CDH4: variants seen among roughly 807,000 people sequenced by gnomAD.
The protein encoded by CDH4 is cadherin 4, also known as cadherin-4.
A neutral mutation model predicts 86.0 loss-of-function variants in CDH4; 33 were observed. That is an observed-to-expected ratio of 0.38 (90% CI 0.29 to 0.51). CDH4 has a LOEUF of 0.51. Ranked by LOEUF, CDH4 falls within the 20% of genes least tolerant of loss-of-function variation. The pLI is 0.86. For synonymous variants in CDH4, 555 were observed against 549.4 expected (o/e 1.01, Z -0.14); for missense variants, 1,114 against 1,307.4 (o/e 0.85, Z 2.28).
intron 4 of CDH4, among the ~76,000 whole-genome samples, chr20:61,822,351 G>A (rs970939504): frequency 6.6e-6 from 1 of 152,186 alleles, no homozygotes; most frequent in Non-Finnish European, 1.5e-5. Flanking sequence ...GGAGACAGTC[G>A]TTTTTACAGA....
At position 61,393,059 on chromosome 20, in the gene CDH4, C is replaced by T. The variant is rs372402489; in HGVS notation, c.169+138122C>T. Among the ~76,000 whole-genome samples, 12 of 152,240 alleles carry T rather than the reference C, an allele frequency of 7.9e-5. No homozygotes were observed. The highest frequency in any genetic ancestry group is 2.6e-4 in the African/African-American group (11 of 41,542). On this transcript the variant is annotated intron_variant, in intron 2 of 15. Transcript: ENST00000614565. This position sits in a 1 kb window ranked among gnomAD's most constrained non-coding sequence, Gnocchi z 4.3. ...TGCGGGGCCCCTCGGTGATCAGGGCCGTTTATTTTCCTCCTAATTTCTTAC... is the reference window on the plus strand; with the variant it reads ...TGCGGGGCCCCTCGGTGATCAGGGCTGTTTATTTTCCTCCTAATTTCTTAC...
At chr20:61,688,678 G>A (rs559694011) in intron 2 of CDH4, among the ~76,000 whole-genome samples, 4 of 152,344 alleles carry the variant, frequency 2.6e-5, no homozygotes, top group South Asian at 2.1e-4. Flanking sequence ...TGTGCATGCC[G>A]CCTCTCCCGC....
intron 7 of CDH4, among the ~76,000 whole-genome samples, chr20:61,890,765 C>G (rs1984786435): frequency 1.3e-5 from 2 of 152,126 alleles, no homozygotes; most frequent in Admixed American, 1.3e-4. Context: ...ACTCCAAGTT[C>G]TATTCATCTT....
intron 2 of CDH4, among the ~76,000 whole-genome samples, chr20:61,560,747 A>G (rs1051055254): frequency 6.6e-6 from 1 of 152,210 alleles, no homozygotes. Flanking sequence ...CCACCTCGCC[A>G]TGAAGGCAGT....
intron 2 of CDH4, among the ~76,000 whole-genome samples, chr20:61,447,323 ATTTTTTTTTT>A (rs71331923): frequency 9.0e-6 from 1 of 110,858 alleles, no homozygotes; most frequent in Admixed American, 1.0e-4. Flanking sequence ...CGCCCAGCTG[ATTTTTTTTTT>A]TTTTTTTTTT....
chr20:61,467,387 A>C lies in CDH4; in HGVS notation c.169+212450A>C, dbSNP rs1429159857. ...TGTTCTGTAGAAGCATCTGATTCTC[A>C]GCACTCTGAATTATTTTGGGTACTC... On this transcript the variant is annotated intron_variant, in intron 2 of 15. Transcript: ENST00000614565. Among the ~76,000 whole-genome samples the C allele has an allele frequency of 3.9e-5, 6 of 152,344 alleles. No homozygotes were observed. In the East Asian group the frequency reaches 1.2e-3, roughly 29 times the overall value.
chr20:61,762,532 G>A (rs1316020143), intron 3 of CDH4, among the ~76,000 whole-genome samples: 3 of 152,150 alleles, frequency 2.0e-5, no homozygotes, highest in Non-Finnish European at 4.4e-5. Context: ...TCCCAGCTCG[G>A]GGCTGTTGCA....
At chr20:61,780,839 G>A (rs575200639) in intron 4 of CDH4, among the ~76,000 whole-genome samples, 104 of 152,314 alleles carry the variant, frequency 6.8e-4, no homozygotes, top group African/African-American at 2.1e-3. Flanking sequence ...TTGCCTCAAA[G>A]GGTGAGTGGA....
intron 6 of CDH4, among the ~76,000 whole-genome samples, chr20:61,864,970 G>A (rs1450086010): frequency 1.3e-5 from 2 of 152,238 alleles, no homozygotes; most frequent in Admixed American, 6.5e-5. Context: ...AGCCTCCAGG[G>A]CTCTGTGCCA....
Position 61,393,412 on chromosome 20 carries a change from C to T in CDH4, c.169+138475C>T, listed in dbSNP as rs1035800190. Among the ~76,000 whole-genome samples, 3 of 151,976 alleles carry T rather than the reference C, an allele frequency of 2.0e-5. No homozygotes were observed. The highest frequency in any genetic ancestry group is 4.4e-5 in the Non-Finnish European group (3 of 68,018). On this transcript the variant is annotated intron_variant, in intron 2 of 15. Coordinates refer to ENST00000614565, the MANE Select transcript of CDH4 (RefSeq NM_001794.5). The surrounding 1 kb of genome is among the most constrained non-coding windows in gnomAD (Gnocchi z 4.3). ...CAACAACCACCAGCCCCTCTGATGTCGAGGACCCCCAGGGATTGGCAAAAT... is the reference window on the plus strand; with the variant it reads ...CAACAACCACCAGCCCCTCTGATGTTGAGGACCCCCAGGGATTGGCAAAAT...
At chr20:61,340,672 T>A (rs569044348) in intron 2 of CDH4, among the ~76,000 whole-genome samples, 4 of 151,916 alleles carry the variant, frequency 2.6e-5, no homozygotes, top group Non-Finnish European at 5.9e-5. Context: ...GCAGCCTCCA[T>A]CTTCTGGGCT....
chr20:61,628,537 C>A (rs1025524313), intron 2 of CDH4, among the ~76,000 whole-genome samples: 1 of 152,250 alleles, frequency 6.6e-6, no homozygotes, highest in Non-Finnish European at 1.5e-5. Context: ...AGGCCGAGCT[C>A]CTGCCCTGCC....
intron 2 of CDH4, among the ~76,000 whole-genome samples, chr20:61,410,723 C>A (rs2085114179): frequency 6.6e-6 from 1 of 152,078 alleles, no homozygotes; most frequent in Admixed American, 6.5e-5. Context: ...ATTCATCCAT[C>A]CATCATCTTC....
At chr20:61,660,756 G>T (rs1188984886) in intron 2 of CDH4, among the ~76,000 whole-genome samples, 2 of 152,126 alleles carry the variant, frequency 1.3e-5, no homozygotes, top group Admixed American at 1.3e-4. Context: ...GCTGGCAGTT[G>T]CTTTATACCT....
intron 12 of CDH4, among the ~76,000 whole-genome samples, chr20:61,929,061 A>G (rs1008852935): frequency 2.0e-5 from 3 of 150,926 alleles, no homozygotes; most frequent in Non-Finnish European, 4.4e-5. Flanking sequence ...TTCTTTGGGG[A>G]GTTTCTTTTT....
At chr20:61,588,363 G>A (rs1263408532) in intron 2 of CDH4, among the ~76,000 whole-genome samples, 1 of 152,216 alleles carries the variant, frequency 6.6e-6, no homozygotes, top group Non-Finnish European at 1.5e-5. Flanking sequence ...GCTTCCAGAA[G>A]GTCTGGGCAC....
At chr20:61,904,105 G>A (rs1434212769) in intron 8 of CDH4, among the ~76,000 whole-genome samples, 1 of 152,244 alleles carries the variant, frequency 6.6e-6, no homozygotes, top group Non-Finnish European at 1.5e-5. Context: ...ACAGCAGCCA[G>A]TCCTGAGAGT....
At chr20:61,631,651 G>GA (rs936988502) in intron 2 of CDH4, among the ~76,000 whole-genome samples, 2 of 151,760 alleles carry the variant, frequency 1.3e-5, no homozygotes, top group African/African-American at 4.8e-5. Context: ...CTCTAAAAAA[G>GA]AAAAAAAAGA....
At chr20:61,425,714 T>G (rs1008140497) in intron 2 of CDH4, among the ~76,000 whole-genome samples, 14 of 151,924 alleles carry the variant, frequency 9.2e-5, no homozygotes, top group Non-Finnish European at 1.9e-4. Flanking sequence ...TTGCAGGACA[T>G]TCTCAAAGGC....
Sources: allele counts gnomAD v4.1 joint callset (sites outside exome capture counted in the v4.1 genomes callset), GRCh38; gene constraint gnomAD v4.1.1; non-coding constraint Gnocchi (gnomAD v3.1); transcripts MANE v1.5; gene names NCBI Gene and HGNC (gene_info 2026-07-23, HGNC 2026-07-21).